MTA3: variants seen among roughly 807,000 people sequenced by gnomAD.
MTA3 encodes the protein metastasis-associated protein MTA3.
A neutral mutation model predicts 83.5 loss-of-function variants in MTA3; 34 were observed. The observed-to-expected ratio is 0.41, with a 90% CI of 0.31 to 0.54. MTA3 has a LOEUF of 0.54. Among genes scored for constraint, MTA3 ranks in the 20% least tolerant of loss-of-function variants. The pLI is 0.33. For missense variants in MTA3, 761 were observed against 726.4 expected, an observed-to-expected ratio of 1.05 and a Z score of -0.55; for synonymous variants, 303 against 252.7, an observed-to-expected ratio of 1.20 and a Z score of -1.89.
intron 3 of MTA3, among the ~76,000 whole-genome samples, chr2:42,608,117 C>T (rs370262050): frequency 2.6e-5 from 4 of 152,130 alleles, no homozygotes; most frequent in Non-Finnish European, 4.4e-5. Flanking sequence ...ACCAAGGGAT[C>T]GTATAAGAAC....
intron 1 of MTA3, chr2:42,495,128 T>G (rs1674073115): frequency 6.6e-6 from 1 of 152,310 alleles, no homozygotes; most frequent in African/African-American, 2.4e-5. Flanking sequence ...AAGGGAAGAG[T>G]TTTTCATTGC....
chr2:42,539,522 C>A (rs894426636), intron 2 of MTA3, among the ~76,000 whole-genome samples: 1 of 144,874 alleles, frequency 6.9e-6, no homozygotes, highest in African/African-American at 2.5e-5. Flanking sequence ...ATGGGACCTA[C>A]AATTCAAGAT....
chr2:42,522,976 AT>A (rs538366355), intron 2 of MTA3, among the ~76,000 whole-genome samples: 13 of 148,962 alleles, frequency 8.7e-5, no homozygotes, highest in Admixed American at 4.0e-4. Context: ...CACCCAGCTA[AT>A]TTTTTTTTTC....
intron 8 of MTA3, among the ~76,000 whole-genome samples, chr2:42,668,766 A>T (rs922496371): frequency 3.3e-5 from 5 of 152,190 alleles, no homozygotes; most frequent in African/African-American, 1.2e-4. Context: ...TAATTGTTAC[A>T]AGAAGTCACT....
At chr2:42,742,734 C>G (rs1194797497) in intron 16 of MTA3, among the ~76,000 whole-genome samples, 1 of 152,154 alleles carries the variant, frequency 6.6e-6, no homozygotes, top group Non-Finnish European at 1.5e-5. Context: ...AGAATAGCTT[C>G]TATTAAAGTT....
At chr2:42,736,142 C>T (rs1229143998) in intron 16 of MTA3, among the ~76,000 whole-genome samples, 3 of 152,204 alleles carry the variant, frequency 2.0e-5, no homozygotes, top group Non-Finnish European at 4.4e-5. Context: ...TTGTTCACTG[C>T]AGCCATACCT....
At chr2:42,655,438 C>T (rs1448450433) in intron 6 of MTA3, among the ~76,000 whole-genome samples, 1 of 152,156 alleles carries the variant, frequency 6.6e-6, no homozygotes, top group Non-Finnish European at 1.5e-5. Context: ...TAGTTCTTAG[C>T]AGAAGTGCCA....
chr2:42,689,231 C>A (rs1043229199), intron 9 of MTA3, among the ~76,000 whole-genome samples: 3 of 152,008 alleles, frequency 2.0e-5, no homozygotes, highest in Non-Finnish European at 4.4e-5. Context: ...ATTTGATTTC[C>A]CAGTATTTTG....
chr2:42,515,328 G>C (rs953738865), intron 2 of MTA3, among the ~76,000 whole-genome samples: 14 of 151,910 alleles, frequency 9.2e-5, no homozygotes, highest in African/African-American at 3.4e-4. Flanking sequence ...CAAAGTGCTG[G>C]GAATACAGGT....
chr2:42,644,258 C>A lies in MTA3; in HGVS notation c.499+14C>A, dbSNP rs147745945. ...TGCTGTTAGAAGGTACGTTTTTCTG[C>A]GTGTTTGCAGTTTTGTGAAACAAAT... On this transcript the variant is annotated intron_variant, in intron 6 of 16. Coordinates refer to ENST00000405094, the MANE Select transcript of MTA3 (RefSeq NM_001330442.2). 2 of 1,553,362 alleles carry A rather than the reference C, an allele frequency of 1.3e-6. No homozygotes were observed. Among genetic ancestry groups the A allele is most frequent in the Non-Finnish European group, 1.8e-6 (2 of 1,131,124 alleles).
intron 3 of MTA3, among the ~76,000 whole-genome samples, chr2:42,598,195 C>A (rs911782880): frequency 1.3e-5 from 2 of 152,162 alleles, no homozygotes; most frequent in South Asian, 4.1e-4. Flanking sequence ...GCCTCAGCCT[C>A]CTGAGTAGCT....
At chr2:42,507,922 A>G (rs1289893663) in intron 2 of MTA3, among the ~76,000 whole-genome samples, 1 of 151,178 alleles carries the variant, frequency 6.6e-6, no homozygotes, top group Non-Finnish European at 1.5e-5. Flanking sequence ...TTCCAGCCTG[A>G]GCAACGGCGT....
chr2:42,688,549 A>G (rs866247326), intron 9 of MTA3, among the ~76,000 whole-genome samples: 21 of 148,382 alleles, frequency 1.4e-4, no homozygotes, highest in African/African-American at 4.2e-4. Flanking sequence ...TCTTCTGCCT[A>G]TTTTAAAAGT....
intron 14 of MTA3, among the ~76,000 whole-genome samples, chr2:42,715,413 T>TCC (rs1187482818): frequency 1.4e-5 from 2 of 146,264 alleles, no homozygotes; most frequent in African/African-American, 5.1e-5. Context: ...CTACTTTTTT[T>TCC]TTTTTTTTTT....
chr2:42,737,819 C>T (rs964303882), intron 16 of MTA3, among the ~76,000 whole-genome samples: 3 of 152,086 alleles, frequency 2.0e-5, no homozygotes, highest in Admixed American at 6.5e-5. Context: ...TTTTTTCCAC[C>T]GAATGAATAC....
chr2:42,652,187 T>G (rs1308434646), intron 6 of MTA3, among the ~76,000 whole-genome samples: 1 of 152,188 alleles, frequency 6.6e-6, no homozygotes, highest in Non-Finnish European at 1.5e-5. Context: ...GGATGAACCT[T>G]CGAGGTAATC....
At chr2:42,545,971 G>C (rs937473803) in intron 2 of MTA3, among the ~76,000 whole-genome samples, 1 of 152,178 alleles carries the variant, frequency 6.6e-6, no homozygotes, top group Non-Finnish European at 1.5e-5. Context: ...TTCAAGAAAT[G>C]AAAGACAGGC....
intron 11 of MTA3, among the ~76,000 whole-genome samples, chr2:42,698,664 A>G (rs1693597905): frequency 1.3e-5 from 2 of 152,058 alleles, no homozygotes; most frequent in African/African-American, 2.4e-5. Flanking sequence ...TCCCTCTTCA[A>G]CCTATTTACA....
intron 2 of MTA3, among the ~76,000 whole-genome samples, chr2:42,498,905 CTTAGGG>C (rs1674268882): frequency 6.6e-6 from 1 of 152,122 alleles, no homozygotes; most frequent in Admixed American, 6.6e-5. Flanking sequence ...GTTTCCTTAT[CTTAGGG>C]TCTGTCTTAG....
Sources: allele counts gnomAD v4.1 joint callset (sites outside exome capture counted in the v4.1 genomes callset), GRCh38; gene constraint gnomAD v4.1.1; transcripts MANE v1.5; gene names NCBI Gene and HGNC (gene_info 2026-07-23, HGNC 2026-07-21).